CDH12: variants seen among roughly 807,000 people sequenced by gnomAD.
CDH12 encodes cadherin 12, also known as cadherin-12.
In CDH12, 41 loss-of-function variants were observed where a neutral mutation model predicts 74.1. That is an observed-to-expected ratio of 0.55 (90% CI 0.43 to 0.72). The LOEUF is 0.72. Among genes scored for constraint, CDH12 ranks in the 30% least tolerant of loss-of-function variants. The pLI is 0.00. For missense variants in CDH12, 945 were observed against 977.2 expected (o/e 0.97, Z 0.44); for synonymous variants, 399 against 355.0 (o/e 1.12, Z -1.39).
chr5:22,078,588 G>T lies in CDH12; in HGVS notation c.89C>A (p.Thr30Asn), dbSNP rs751201188. The change falls in exon 5 of 15, where the codon ACT (threonine) becomes AAT (asparagine). Residue 30 changes from threonine to asparagine, a missense_variant. By Grantham distance (65) the Thr-to-Asn change is moderately conservative. Around this residue, in one of 3 missense-constraint regions of CDH12, gnomAD observed 148 missense variants for 162.8 expected, o/e 0.91. Transcript: ENST00000382254. The stretch of plus-strand genomic sequence containing the variant: ...ATTTTCTCTTGGCTCTGTGGCTAAA[G>T]TCTGCTGTGGCTGTGGTTGTAGTGG... ...LTPLQPQPQQTLATEPRENVI... is the reference protein window; with the variant it reads ...LTPLQPQPQQNLATEPRENVI... 6.2e-7 allele frequency: 1 copy of T among 1,613,836 alleles called. No individual in the cohort carries two copies. The highest frequency in any genetic ancestry group is 8.5e-7 in the Non-Finnish European group (1 of 1,179,890).
At chr5:22,269,303 T>C (rs2150399084) in intron 3 of CDH12, among the ~76,000 whole-genome samples, 1 of 152,250 alleles carries the variant, frequency 6.6e-6, no homozygotes, top group East Asian at 1.9e-4. Context: ...TCTTCAAATG[T>C]CTAGTCCAAA....
At position 22,493,442 on chromosome 5, in the gene CDH12, G is replaced by A. The variant is rs78283520; in HGVS notation, c.-428+11828C>T. On this transcript the variant is annotated intron_variant, in intron 2 of 14. Coordinates refer to ENST00000382254, the MANE Select transcript of CDH12 (RefSeq NM_004061.5). ...AAATTTTTGAATAAATGAATGAATCGTTAGAAAAATGAATATAATAAATTT... is the reference window on the plus strand; with the variant it reads ...AAATTTTTGAATAAATGAATGAATCATTAGAAAAATGAATATAATAAATTT... 7.2e-3 allele frequency among the ~76,000 whole-genome samples: 1,100 copies of A among 152,160 alleles called. 12 individuals are homozygous for A. The highest frequency in any genetic ancestry group is 0.025 in the African/African-American group (1,055 of 41,498).
intron 6 of CDH12, among the ~76,000 whole-genome samples, chr5:21,879,881 A>C (rs1030864167): frequency 6.6e-6 from 1 of 152,232 alleles, no homozygotes; most frequent in African/African-American, 2.4e-5. Context: ...CGGAATATTA[A>C]AGTCATGGAT....
At chr5:22,324,647 CTT>C in intron 3 of CDH12, among the ~76,000 whole-genome samples, 1 of 151,714 alleles carries the variant, frequency 6.6e-6, no homozygotes, top group Middle Eastern at 3.4e-3. Flanking sequence ...TATCTGACCA[CTT>C]AACTATAGGA....
chr5:21,980,782 C>T (rs1757272776), intron 5 of CDH12, among the ~76,000 whole-genome samples: 1 of 152,054 alleles, frequency 6.6e-6, no homozygotes, highest in Non-Finnish European at 1.5e-5. Flanking sequence ...CTGCAAATTA[C>T]TTCACTAATT....
chr5:22,448,044 C>G (rs1266147882), intron 2 of CDH12, among the ~76,000 whole-genome samples: 1 of 144,162 alleles, frequency 6.9e-6, no homozygotes, highest in Admixed American at 7.0e-5. Flanking sequence ...CCCAGCTACT[C>G]AGGAGGCCAG....
intron 1 of CDH12, among the ~76,000 whole-genome samples, chr5:22,689,265 C>T (rs899693289): frequency 6.6e-6 from 1 of 152,096 alleles, no homozygotes; most frequent in African/African-American, 2.4e-5. Context: ...TAAAGCATGG[C>T]GTGATGAGAG....
At chr5:22,477,759 AC>A (rs1041068019) in intron 2 of CDH12, among the ~76,000 whole-genome samples, 4 of 152,140 alleles carry the variant, frequency 2.6e-5, no homozygotes, top group Non-Finnish European at 5.9e-5. Context: ...GCGGCCAACA[AC>A]AAAAACCTCA....
rs186592505 is a variant in CDH12, at chr5:22,387,203, G to A, written c.-333+18054C>T. On this transcript the variant is annotated intron_variant, in intron 3 of 14. Transcript: ENST00000382254. ...AACTTCTAACATACTATTATTTTGA[G>A]CAAAAATGCCTTTAAAAAGTTACAT... Among the ~76,000 whole-genome samples, 59 of 151,630 alleles carry A rather than the reference G, an allele frequency of 3.9e-4. 2 individuals carry two copies. Among genetic ancestry groups the A allele is most frequent in the Admixed American group, 3.8e-3 (58 of 15,224 alleles).
intron 3 of CDH12, among the ~76,000 whole-genome samples, chr5:22,303,835 A>G (rs1737994207): frequency 6.6e-6 from 1 of 152,170 alleles, no homozygotes; most frequent in African/African-American, 2.4e-5. Flanking sequence ...CTCAGAGAAA[A>G]TTGTGAACTT....
intron 2 of CDH12, among the ~76,000 whole-genome samples, chr5:22,475,095 C>T (rs898326040): frequency 6.6e-6 from 1 of 150,458 alleles, no homozygotes; most frequent in Non-Finnish European, 1.5e-5. Flanking sequence ...TTCTGGAACT[C>T]ATCCCCTCTT....
chr5:21,950,991 G>T (rs111791925), intron 6 of CDH12, among the ~76,000 whole-genome samples: 1 of 151,420 alleles, frequency 6.6e-6, no homozygotes, highest in South Asian at 2.1e-4. Flanking sequence ...GTTTCACCGT[G>T]TTAGCTAGGA....
chr5:22,352,784 A>G (rs997951709), intron 3 of CDH12, among the ~76,000 whole-genome samples: 3 of 152,196 alleles, frequency 2.0e-5, no homozygotes, highest in African/African-American at 7.2e-5. Flanking sequence ...TATGGACATT[A>G]TACTGGAACT....
At chr5:22,279,998 G>C (rs1736806535) in intron 3 of CDH12, among the ~76,000 whole-genome samples, 1 of 152,132 alleles carries the variant, frequency 6.6e-6, no homozygotes, top group Admixed American at 6.6e-5. Flanking sequence ...CACCAACAGT[G>C]TAAAAGTGTT....
At chr5:21,887,212 T>C (rs1752676727) in intron 6 of CDH12, among the ~76,000 whole-genome samples, 1 of 152,218 alleles carries the variant, frequency 6.6e-6, no homozygotes. Flanking sequence ...ATGATAATTC[T>C]TTGATACTCC....
chr5:22,602,235 G>A, intron 1 of CDH12, among the ~76,000 whole-genome samples: 1 of 152,038 alleles, frequency 6.6e-6, no homozygotes. Context: ...TTCAATAAAT[G>A]CCACGGAGTT....
At chr5:22,109,814 T>A (rs917894378) in intron 4 of CDH12, among the ~76,000 whole-genome samples, 4 of 152,044 alleles carry the variant, frequency 2.6e-5, no homozygotes, top group African/African-American at 4.8e-5. Context: ...TAGTGAAAAA[T>A]TCAATTGACA....
At chr5:22,726,357 C>CT (rs1216316789) in intron 1 of CDH12, among the ~76,000 whole-genome samples, 1 of 151,614 alleles carries the variant, frequency 6.6e-6, no homozygotes, top group Non-Finnish European at 1.5e-5. Flanking sequence ...TCCTCCCTGT[C>CT]TTTTTGTTGC....
At chr5:22,127,461 G>A (rs1397486133) in intron 4 of CDH12, among the ~76,000 whole-genome samples, 1 of 142,712 alleles carries the variant, frequency 7.0e-6, no homozygotes, top group Non-Finnish European at 1.5e-5. Flanking sequence ...TGGACAACAA[G>A]AGTGGAACTC....
Sources: allele counts gnomAD v4.1 joint callset (sites outside exome capture counted in the v4.1 genomes callset), GRCh38; gene constraint gnomAD v4.1.1; regional missense constraint gnomAD v4.1.1; transcripts MANE v1.5; gene names NCBI Gene and HGNC (gene_info 2026-07-23, HGNC 2026-07-21).